DNAAF9: variants seen among roughly 807,000 people sequenced by gnomAD.
DNAAF9 encodes shulin.
Under a neutral mutation model 167.0 loss-of-function variants are expected in DNAAF9, and 90 were observed. That is an observed-to-expected ratio of 0.54 (90% CI 0.45 to 0.64). The LOEUF (loss-of-function observed/expected upper bound fraction) is 0.64, where lower values mean the gene tolerates loss of function less well. DNAAF9 is among the 30% of genes least tolerant of loss of function. DNAAF9 has a pLI of 0.00. For synonymous variants in DNAAF9, 491 were observed against 508.8 expected (o/e 0.96, Z 0.47); for missense variants, 1,315 against 1,442.2 (o/e 0.91, Z 1.43).
rs555909405 is a variant in DNAAF9, at chr20:3,292,319, A to G, written c.2238+1820T>C. Among the ~76,000 whole-genome samples the G allele has an allele frequency of 3.5e-4, 54 of 152,364 alleles. No homozygotes were observed. In the East Asian group the frequency reaches 8.9e-3, roughly 25 times the overall value. ...CTGGGCGAGCACCTTTTAATAAAAT[A>G]CAACAAGTAGGTATGCTTTACAAAC... is the stretch of plus-strand genomic sequence containing the variant. On this transcript the variant is annotated intron_variant, in intron 25 of 36. Transcript: ENST00000252032.
Position 3,322,230 on chromosome 20 carries a change from G to T in DNAAF9, c.1343C>A (p.Ser448Tyr). Residue 448 changes from serine to tyrosine, a missense_variant, in exon 16 of 37, where the codon TCC becomes TAC. Physicochemically the swap from Ser to Tyr is moderately radical, Grantham distance 144. Transcript: ENST00000252032. ...AGCTCTGCTTACCGTCTTCACAAAGGATAAGCTATCTTCACTGTCCAGCGG... is the reference window on the plus strand; with the variant it reads ...AGCTCTGCTTACCGTCTTCACAAAGTATAAGCTATCTTCACTGTCCAGCGG... Reference protein sequence around the residue: ...IVPLDSEDSLSFVKTACMAVY... With the variant: ...IVPLDSEDSLYFVKTACMAVY... 1 of 1,610,344 alleles carries T rather than the reference G, an allele frequency of 6.2e-7. No homozygotes were observed. Among genetic ancestry groups the T allele is most frequent in the Non-Finnish European group, 8.5e-7 (1 of 1,177,490 alleles).
intron 7 of DNAAF9, among the ~76,000 whole-genome samples, chr20:3,358,541 C>T (rs896809912): frequency 6.6e-6 from 1 of 152,194 alleles, no homozygotes; most frequent in Non-Finnish European, 1.5e-5. Context: ...GCCTCAGCCT[C>T]CTCACACCTG....
chr20:3,326,074 G>A (rs1555792270), intron 13 of DNAAF9, 123 bp downstream of exon 13: 8 of 684,970 alleles, frequency 1.2e-5, no homozygotes, highest in East Asian at 5.5e-5. Context: ...TCTGCCTGGT[G>A]TCAAAGAGGC....
chr20:3,316,003 G>A lies in DNAAF9; in HGVS notation c.1540-218C>T, dbSNP rs2069494422. On this transcript the variant is annotated intron_variant, in intron 18 of 36. Coordinates refer to ENST00000252032, the MANE Select transcript of DNAAF9 (RefSeq NM_001009984.3). Reference sequence around the variant, plus strand: ...GTGGGCTCTCTCACTAGGACCTGAGGTCCAGCTAATGAGCTTATGACAAGC... The same window carrying A: ...GTGGGCTCTCTCACTAGGACCTGAGATCCAGCTAATGAGCTTATGACAAGC... 3 of 590,584 alleles carry A rather than the reference G, an allele frequency of 5.1e-6. No individual in the cohort carries two copies. In the South Asian group the frequency reaches 6.2e-5, roughly 12 times the overall value. The allele number at this position is 590,584 out of a possible 1,614,324, so 36.6% of individuals were successfully genotyped here.
intron 1 of DNAAF9, among the ~76,000 whole-genome samples, chr20:3,395,376 G>A (rs573790543): frequency 6.6e-6 from 1 of 152,020 alleles, no homozygotes; most frequent in South Asian, 2.1e-4. Flanking sequence ...CACCACCCAG[G>A]TTCAAGCAAT....
intron 21 of DNAAF9, among the ~76,000 whole-genome samples, chr20:3,300,280 T>C (rs1035249617): frequency 7.1e-6 from 1 of 140,632 alleles, no homozygotes; most frequent in Non-Finnish European, 1.6e-5. Context: ...TGTTGGGCAG[T>C]ATTGTCTTAA....
intron 1 of DNAAF9, among the ~76,000 whole-genome samples, chr20:3,397,305 C>A (rs1410006162): frequency 8.6e-6 from 1 of 116,760 alleles, no homozygotes; most frequent in African/African-American, 3.5e-5. Context: ...ATGATTATTT[C>A]TTTTTTTGTT....
At chr20:3,307,191 CA>C in intron 20 of DNAAF9, 1 of 980,254 alleles carries the variant, frequency 1.0e-6, no homozygotes, top group Non-Finnish European at 1.2e-6. Flanking sequence ...TCTGAAGCCT[CA>C]AAACAAAATG....
intron 35 of DNAAF9, 75 bp downstream of exon 35, chr20:3,255,144 A>T (rs2068255731): frequency 1.1e-6 from 1 of 882,658 alleles, no homozygotes; most frequent in Non-Finnish European, 1.8e-6. Flanking sequence ...CACTCAGAGA[A>T]TCCAAAATAC....
At chr20:3,355,081 G>A (rs1470678011) in intron 7 of DNAAF9, among the ~76,000 whole-genome samples, 2 of 152,174 alleles carry the variant, frequency 1.3e-5, no homozygotes, top group South Asian at 2.1e-4. Flanking sequence ...CAGTTGAGGA[G>A]ACTGCATGCA....
chr20:3,360,540 C>G (rs934808847), intron 6 of DNAAF9, among the ~76,000 whole-genome samples: 3 of 152,104 alleles, frequency 2.0e-5, no homozygotes, highest in African/African-American at 7.2e-5. Context: ...ATCCAAATTT[C>G]AGCATTTAGT....
rs746586164 is a variant in DNAAF9, at chr20:3,375,141, C to A, written c.409-15G>T. The A allele has an allele frequency of 2.7e-6, 4 of 1,482,790 alleles. No individual in the cohort carries two copies. The African/African-American group carries it at 4.2e-5, about 15-fold the overall frequency. 91.9% of individuals were successfully genotyped at this position (1,482,790 alleles called of 1,614,324 possible). A position where few individuals can be genotyped will look rare whatever the true frequency, so the allele number is the denominator to read the frequency against. On this transcript the variant is annotated splice_polypyrimidine_tract_variant and intron_variant, in intron 4 of 36. Coordinates refer to ENST00000252032, the MANE Select transcript of DNAAF9 (RefSeq NM_001009984.3). ...TCATCTTCATACTGAAGAGACAAAT[C>A]AAAAGAAAAATAAGCTCTGATGAGA...
chr20:3,392,320 C>A (rs185390579), intron 1 of DNAAF9, among the ~76,000 whole-genome samples: 1 of 152,202 alleles, frequency 6.6e-6, no homozygotes, highest in Non-Finnish European at 1.5e-5. Flanking sequence ...CCCAATAATG[C>A]AGCTTACGTC....
At position 3,279,156 on chromosome 20, in the gene DNAAF9, T is replaced by C. The variant is rs531187845; in HGVS notation, c.2613-207A>G. On this transcript the variant is annotated intron_variant, in intron 28 of 36. Transcript: ENST00000252032. ...ACACCAGGAGCCCCACAGAAGTCCC[T>C]ACATGGCCAATTCTAAGTGGAATGC... Among the ~76,000 whole-genome samples, 171 of 152,246 alleles carry C rather than the reference T, an allele frequency of 1.1e-3. 1 individual carries two copies. Among genetic ancestry groups the C allele is most frequent in the South Asian group, 1.7e-3 (8 of 4,808 alleles).
At chr20:3,358,312 C>A (rs1295271024) in intron 7 of DNAAF9, among the ~76,000 whole-genome samples, 1 of 151,966 alleles carries the variant, frequency 6.6e-6, no homozygotes, top group African/African-American at 2.4e-5. Flanking sequence ...TAGATGGAGT[C>A]TTGCTCTGTC....
At chr20:3,375,403 T>C (rs1053403576) in intron 4 of DNAAF9, among the ~76,000 whole-genome samples, 5 of 152,106 alleles carry the variant, frequency 3.3e-5, no homozygotes, top group Non-Finnish European at 7.3e-5. Context: ...CAAATACTCA[T>C]ATGGGAGGAA....
chr20:3,254,453 A>G (rs2068244252), intron 35 of DNAAF9, among the ~76,000 whole-genome samples: 1 of 152,164 alleles, frequency 6.6e-6, no homozygotes, highest in East Asian at 1.9e-4. Context: ...GTCTCCTAGA[A>G]TCACTTCCAA....
intron 1 of DNAAF9, among the ~76,000 whole-genome samples, chr20:3,406,368 G>C (rs895696488): frequency 6.6e-6 from 1 of 152,256 alleles, no homozygotes; most frequent in East Asian, 1.9e-4. Context: ...CAATATATTT[G>C]CTTTGCTATG....
At chr20:3,401,496 G>A (rs567056124) in intron 1 of DNAAF9, among the ~76,000 whole-genome samples, 8 of 152,242 alleles carry the variant, frequency 5.3e-5, no homozygotes, top group East Asian at 1.9e-4. Context: ...CACAGCACCC[G>A]GCTGATGAAC....
Sources: allele counts gnomAD v4.1 joint callset (sites outside exome capture counted in the v4.1 genomes callset), GRCh38; gene constraint gnomAD v4.1.1; transcripts MANE v1.5; gene names NCBI Gene and HGNC (gene_info 2026-07-23, HGNC 2026-07-21).